The following KIAA1328 variants were observed in gnomAD, a reference collection of about 807,000 sequenced individuals.
KIAA1328 encodes the protein protein hinderin.
A neutral mutation model predicts 68.1 loss-of-function variants in KIAA1328; 52 were observed. That is an observed-to-expected ratio of 0.76 (90% CI 0.61 to 0.96). KIAA1328 has a LOEUF of 0.96. Among genes scored for constraint, KIAA1328 ranks in the 40% least tolerant of loss-of-function variants. The pLI is 0.00. For missense variants in KIAA1328, 641 were observed against 677.6 expected (o/e 0.95, Z 0.60); for synonymous variants, 232 against 239.4 (o/e 0.97, Z 0.28).
chr18:37,223,994 A>G lies in KIAA1328; in HGVS notation c.*1767A>G. The G allele has an allele frequency of 1.0e-6, 1 of 985,428 alleles. No individual in the cohort carries two copies. The highest frequency in any genetic ancestry group is 1.2e-6 in the Non-Finnish European group (1 of 829,936). 61.0% of individuals were successfully genotyped at this position (985,428 alleles called of 1,614,324 possible). A position where few individuals can be genotyped will look rare whatever the true frequency, so the allele number is the denominator to read the frequency against. ...AAAGTTCACCTCTGAGAGTAACCAA[A>G]TCGGTTTCATCCCATATCAAAAAGC... On this transcript the variant is annotated 3_prime_UTR_variant, in exon 10 of 10. Coordinates refer to ENST00000280020, the MANE Select transcript of KIAA1328 (RefSeq NM_020776.3).
At chr18:37,156,771 G>A (rs1397684153) in intron 7 of KIAA1328, among the ~76,000 whole-genome samples, 1 of 152,226 alleles carries the variant, frequency 6.6e-6, no homozygotes, top group African/African-American at 2.4e-5. Flanking sequence ...GATTGCTTTA[G>A]CAAGAGTTGG....
At chr18:36,881,227 T>C (rs1427281093) in intron 4 of KIAA1328, among the ~76,000 whole-genome samples, 1 of 152,014 alleles carries the variant, frequency 6.6e-6, no homozygotes, top group Non-Finnish European at 1.5e-5. Context: ...TCTCTTATCC[T>C]TTGTTTCTTG....
chr18:37,117,739 G>T (rs112659466), intron 7 of KIAA1328, among the ~76,000 whole-genome samples: 1 of 151,996 alleles, frequency 6.6e-6, no homozygotes, highest in Non-Finnish European at 1.5e-5. Context: ...AGAAAAGGAC[G>T]CAAAGTCCTT....
chr18:37,081,543 A>C (rs894059898), intron 7 of KIAA1328, among the ~76,000 whole-genome samples: 3 of 152,202 alleles, frequency 2.0e-5, no homozygotes, highest in Non-Finnish European at 4.4e-5. Flanking sequence ...ATCTATCTCA[A>C]ATGAATCCTC....
chr18:36,913,460 A>T (rs191791435), intron 5 of KIAA1328, among the ~76,000 whole-genome samples: 312 of 147,904 alleles, frequency 2.1e-3, no homozygotes, highest in African/African-American at 7.3e-3. Context: ...TCCTGGATGT[A>T]CAAAGGCAAT....
At chr18:37,191,483 A>G (rs1434422173) in intron 9 of KIAA1328, among the ~76,000 whole-genome samples, 1 of 152,174 alleles carries the variant, frequency 6.6e-6, no homozygotes, top group Non-Finnish European at 1.5e-5. Flanking sequence ...AGTCAGAGGT[A>G]TATTCCTTGG....
At chr18:37,065,377 G>A (rs2151727938) in intron 6 of KIAA1328, among the ~76,000 whole-genome samples, 1 of 152,290 alleles carries the variant, frequency 6.6e-6, no homozygotes, top group East Asian at 1.9e-4. Context: ...ACTAAAGACT[G>A]AATCTGTATA....
At chr18:36,859,930 T>C (rs2047509467) in intron 4 of KIAA1328, among the ~76,000 whole-genome samples, 1 of 151,518 alleles carries the variant, frequency 6.6e-6, no homozygotes, top group Admixed American at 6.6e-5. Flanking sequence ...TTTCCTTTTT[T>C]TTTTAATGTG....
intron 7 of KIAA1328, among the ~76,000 whole-genome samples, chr18:37,086,387 CT>C (rs1191801604): frequency 2.4e-4 from 37 of 152,270 alleles, no homozygotes; most frequent in African/African-American, 8.4e-4. Context: ...CAAGATATCC[CT>C]CCTGGAGACT....
intron 6 of KIAA1328, among the ~76,000 whole-genome samples, chr18:37,000,504 A>C (rs2053548234): frequency 6.6e-6 from 1 of 152,048 alleles, no homozygotes. Context: ...GATCATGTGG[A>C]CCTAACACAG....
rs1331490481 is a variant in KIAA1328, at chr18:37,222,968, G to C, written c.*741G>C. ...GAAGCACTCTTCTACCAATGTTTGGGTGACCACCCCTCCAATATCCCAGAA... is the reference window on the plus strand; with the variant it reads ...GAAGCACTCTTCTACCAATGTTTGGCTGACCACCCCTCCAATATCCCAGAA... On this transcript the variant is annotated 3_prime_UTR_variant, in exon 10 of 10. Coordinates refer to ENST00000280020, the MANE Select transcript of KIAA1328 (RefSeq NM_020776.3). The C allele has an allele frequency of 2.0e-6, 2 of 985,236 alleles. No individual in the cohort carries two copies. Among genetic ancestry groups the C allele is most frequent in the African/African-American group, 3.5e-5 (2 of 57,198 alleles). 61.0% of individuals were successfully genotyped at this position (985,236 alleles called of 1,614,324 possible). A position where few individuals can be genotyped will look rare whatever the true frequency, so the allele number is the denominator to read the frequency against.
At chr18:37,094,162 A>G (rs1387882395) in intron 7 of KIAA1328, among the ~76,000 whole-genome samples, 1 of 152,148 alleles carries the variant, frequency 6.6e-6, no homozygotes, top group Admixed American at 6.5e-5. Flanking sequence ...TTGCGTTCCT[A>G]TGAGAGTCTA....
At chr18:37,169,507 G>A (rs78170669) in intron 8 of KIAA1328, among the ~76,000 whole-genome samples, 57 of 143,352 alleles carry the variant, frequency 4.0e-4, no homozygotes, top group Non-Finnish European at 7.3e-4. Flanking sequence ...TATTGTGTGT[G>A]TGTGTCTGTG....
At chr18:36,985,570 G>A (rs747045525) in intron 6 of KIAA1328, among the ~76,000 whole-genome samples, 5 of 151,910 alleles carry the variant, frequency 3.3e-5, no homozygotes, top group African/African-American at 9.7e-5. Context: ...CTCATTTTTC[G>A]GCAAAGATGC....
intron 7 of KIAA1328, among the ~76,000 whole-genome samples, chr18:37,085,522 G>A (rs2151814833): frequency 6.6e-6 from 1 of 152,164 alleles, no homozygotes; most frequent in Non-Finnish European, 1.5e-5. Flanking sequence ...GTTTCTGATG[G>A]GGGAGATGGG....
intron 6 of KIAA1328, among the ~76,000 whole-genome samples, chr18:37,015,037 G>A (rs2054104711): frequency 1.3e-5 from 2 of 152,100 alleles, no homozygotes; most frequent in South Asian, 2.1e-4. Flanking sequence ...TGAGTAGCAG[G>A]GATTACAGGC....
intron 5 of KIAA1328, among the ~76,000 whole-genome samples, chr18:36,933,781 G>T (rs1037672172): frequency 6.6e-5 from 10 of 152,228 alleles, no homozygotes; most frequent in Admixed American, 4.6e-4. Flanking sequence ...ACACGCTCCT[G>T]TGGAGCAGCC....
At position 37,224,161 on chromosome 18, in the gene KIAA1328, T is replaced by G. The variant is rs2060610126; in HGVS notation, c.*1934T>G. ...TGTGTCATGACTAGCTTAAGTGTAC[T>G]TGACTCCCATAGACTACTCCCATGC... On this transcript the variant is annotated 3_prime_UTR_variant, in exon 10 of 10. Coordinates refer to ENST00000280020, the MANE Select transcript of KIAA1328 (RefSeq NM_020776.3). 1.0e-6 allele frequency: 1 copy of G among 985,294 alleles called. No homozygotes were observed. The highest frequency in any genetic ancestry group is 6.2e-5 in the Admixed American group (1 of 16,254). 61.0% of individuals were successfully genotyped at this position (985,294 alleles called of 1,614,324 possible).
At chr18:36,938,157 A>AG (rs1439215192) in intron 5 of KIAA1328, among the ~76,000 whole-genome samples, 4 of 152,044 alleles carry the variant, frequency 2.6e-5, no homozygotes, top group African/African-American at 9.7e-5. Context: ...TCTATTTTTA[A>AG]TTTTCTGACG....
Sources: gnomAD v4.1 joint callset for allele counts (sites outside exome capture counted in the v4.1 genomes callset) on GRCh38, gnomAD v4.1.1 for gene constraint, MANE v1.5 for transcripts, NCBI Gene and HGNC (gene_info 2026-07-23, HGNC 2026-07-21) for gene names.